Variants in PDE10A observed in about 807,000 individuals in gnomAD.
PDE10A encodes phosphodiesterase 10A.
A neutral mutation model predicts 97.7 loss-of-function variants in PDE10A; 39 were observed. The ratio of observed to expected loss-of-function variants is 0.40; its 90% CI spans 0.31 to 0.52. The LOEUF (loss-of-function observed/expected upper bound fraction) is 0.52, where lower values mean the gene tolerates loss of function less well. Among genes scored for constraint, PDE10A ranks in the 20% least tolerant of loss-of-function variants. The pLI is 0.56. For synonymous variants in PDE10A, 371 were observed against 376.8 expected (o/e 0.98, Z 0.18); for missense variants, 731 against 1,047.8 (o/e 0.70, Z 4.17).
intron 1 of PDE10A, among the ~76,000 whole-genome samples, chr6:165,984,794 G>C (rs950091397): frequency 1.3e-5 from 2 of 152,190 alleles, no homozygotes; most frequent in Admixed American, 1.3e-4. Flanking sequence ...TGCAGTTACT[G>C]AAATACCCCT....
chr6:165,884,415 G>C (rs957600064), intron 1 of PDE10A, among the ~76,000 whole-genome samples: 2 of 152,202 alleles, frequency 1.3e-5, no homozygotes, highest in African/African-American at 4.8e-5. Context: ...CTGGACAGCA[G>C]CTGGAGGAAG....
intron 17 of PDE10A, 147 bp from the exon 18 acceptor site, chr6:165,379,513 T>C (rs1393513714): frequency 1.7e-6 from 1 of 589,208 alleles, no homozygotes; most frequent in Admixed American, 3.6e-5. Flanking sequence ...TTTTTTTGAA[T>C]AGTTAGAAAT....
intron 1 of PDE10A, among the ~76,000 whole-genome samples, chr6:165,633,913 G>GAT (rs892254764): frequency 3.3e-5 from 5 of 152,080 alleles, no homozygotes; most frequent in South Asian, 2.1e-4. Flanking sequence ...TTTTTGAAGT[G>GAT]ATATATATAA....
intron 18 of PDE10A, among the ~76,000 whole-genome samples, chr6:165,377,375 TA>T (rs1346916572): frequency 6.6e-6 from 1 of 152,154 alleles, no homozygotes; most frequent in Non-Finnish European, 1.5e-5. Context: ...TACTCTTTTT[TA>T]TACCTCTATA....
chr6:165,987,703 C>T (rs1276777463), exon 1 of PDE10A: 1 of 456,778 alleles, frequency 2.2e-6, no homozygotes, highest in Admixed American at 2.3e-5. Context: ...AGCCCGCTGG[C>T]CAAGTTCGGG....
At chr6:165,343,119 G>C (rs73261554) in intron 19 of PDE10A, among the ~76,000 whole-genome samples, 2,446 of 152,302 alleles carry the variant, frequency 0.016, 61 homozygotes, top group African/African-American at 0.056. Context: ...AAGATCAGCT[G>C]TTAAGTAAGA....
chr6:165,850,698 G>GC (rs1780551011), intron 1 of PDE10A, among the ~76,000 whole-genome samples: 1 of 152,160 alleles, frequency 6.6e-6, no homozygotes, highest in South Asian at 2.1e-4. Context: ...TTCACAGAGG[G>GC]CGTGAATGGT....
intron 1 of PDE10A, among the ~76,000 whole-genome samples, chr6:165,600,712 CT>C (rs1786893787): frequency 6.6e-6 from 1 of 152,192 alleles, no homozygotes; most frequent in Admixed American, 6.5e-5. Context: ...CAGCCTTTCA[CT>C]CCCACAGTAT....
intron 13 of PDE10A, among the ~76,000 whole-genome samples, chr6:165,409,038 G>A (rs1787477432): frequency 6.7e-6 from 1 of 149,722 alleles, no homozygotes; most frequent in Admixed American, 6.6e-5. Context: ...AGTGGCGGGT[G>A]CCTGTAGTCC....
intron 1 of PDE10A, among the ~76,000 whole-genome samples, chr6:165,584,756 G>C (rs1785811882): frequency 6.6e-6 from 1 of 152,142 alleles, no homozygotes; most frequent in South Asian, 2.1e-4. Flanking sequence ...GAAGTCAATG[G>C]AAAACCAACA....
At chr6:165,384,426 A>G (rs1340611405) in intron 17 of PDE10A, among the ~76,000 whole-genome samples, 2 of 152,156 alleles carry the variant, frequency 1.3e-5, no homozygotes, top group African/African-American at 4.8e-5. Context: ...AAGCTCAGGG[A>G]AAAATGAGAA....
intron 1 of PDE10A, among the ~76,000 whole-genome samples, chr6:165,691,330 T>C (rs1469576185): frequency 6.6e-6 from 1 of 150,782 alleles, no homozygotes; most frequent in African/African-American, 2.4e-5. Context: ...ATATTTTTAC[T>C]GTACATTTTC....
In PDE10A at chr6:165,707,638, T is replaced by G. The variant is rs546333595; in HGVS notation, c.-614-164070A>C. On this transcript the variant is annotated intron_variant, in intron 1 of 19. Transcript: ENST00000366882. ...CATGTGTGAGCATGTGTTGTGTGTG[T>G]GCGCATGTTTGGGTATATGTGAGCG... 2.6e-5 allele frequency among the ~76,000 whole-genome samples: 4 copies of G among 151,938 alleles called. No homozygotes were observed. The East Asian group carries it at 5.8e-4, about 22-fold the overall frequency.
At chr6:165,657,386 T>C (rs905845643) in intron 1 of PDE10A, among the ~76,000 whole-genome samples, 2 of 152,252 alleles carry the variant, frequency 1.3e-5, no homozygotes, top group Non-Finnish European at 2.9e-5. Flanking sequence ...TTAAAATGTT[T>C]TGAATTACAA....
chr6:165,632,186 G>C (rs968300736), intron 1 of PDE10A, among the ~76,000 whole-genome samples: 1 of 125,522 alleles, frequency 8.0e-6, no homozygotes, highest in Admixed American at 1.0e-4. Flanking sequence ...AGTGATAAGA[G>C]GGAGAGTCCA....
At chr6:165,938,560 G>A (rs917397145) in intron 1 of PDE10A, among the ~76,000 whole-genome samples, 5 of 152,240 alleles carry the variant, frequency 3.3e-5, no homozygotes, top group Non-Finnish European at 5.9e-5. Context: ...CTTATCCTTG[G>A]GATTCAAGTC....
chr6:165,701,729 G>A (rs1325300904), intron 1 of PDE10A, among the ~76,000 whole-genome samples: 6 of 151,524 alleles, frequency 4.0e-5, no homozygotes, highest in Non-Finnish European at 8.8e-5. Context: ...TTGCGCGTGT[G>A]TGCATGTGTG....
At chr6:165,561,339 C>A (rs1784513676) in intron 1 of PDE10A, among the ~76,000 whole-genome samples, 1 of 152,114 alleles carries the variant, frequency 6.6e-6, no homozygotes, top group African/African-American at 2.4e-5. Flanking sequence ...GGCTGACCAG[C>A]CATGCTTCCT....
intron 13 of PDE10A, among the ~76,000 whole-genome samples, chr6:165,401,658 G>C (rs943554450): frequency 1.3e-5 from 2 of 152,072 alleles, no homozygotes; most frequent in African/African-American, 4.8e-5. Context: ...TTGAGAAAGA[G>C]CACAGATAGG....
Sources: gnomAD v4.1 joint callset for allele counts (sites outside exome capture counted in the v4.1 genomes callset) on GRCh38, gnomAD v4.1.1 for gene constraint, MANE v1.5 for transcripts, NCBI Gene and HGNC (gene_info 2026-07-23, HGNC 2026-07-21) for gene names.